Variants in CTNNA3 observed in about 807,000 individuals in gnomAD.
CTNNA3 encodes catenin alpha-3.
In CTNNA3, 76 loss-of-function variants were observed where a neutral mutation model predicts 95.7. The observed-to-expected ratio is 0.79, with a 90% CI of 0.66 to 0.96. CTNNA3 has a LOEUF of 0.96. Ranked by LOEUF, CTNNA3 falls within the 40% of genes least tolerant of loss-of-function variation. The pLI is 0.00. For missense variants in CTNNA3, 1,191 were observed against 1,089.8 expected, an observed-to-expected ratio of 1.09 and a Z score of -1.31; for synonymous variants, 431 against 374.4, an observed-to-expected ratio of 1.15 and a Z score of -1.74.
intron 17 of CTNNA3, among the ~76,000 whole-genome samples, chr10:65,932,742 T>C (rs556998812): frequency 6.6e-6 from 1 of 152,300 alleles, no homozygotes; most frequent in East Asian, 1.9e-4. Flanking sequence ...TACCTCTGAA[T>C]ACTTTGTACT....
intron 5 of CTNNA3, among the ~76,000 whole-genome samples, chr10:67,481,088 T>C (rs931809998): frequency 2.6e-5 from 4 of 152,180 alleles, no homozygotes; most frequent in African/African-American, 7.2e-5. Flanking sequence ...TTTTATGTGG[T>C]GAATCACATT....
chr10:67,124,895 C>T (rs1376208934), intron 7 of CTNNA3, among the ~76,000 whole-genome samples: 1 of 152,164 alleles, frequency 6.6e-6, no homozygotes, highest in Non-Finnish European at 1.5e-5. Flanking sequence ...ATAATGTTGG[C>T]ATTCATGGCT....
chr10:66,346,211 GTATATATATATATATATATATATA>G (rs368554085), intron 12 of CTNNA3, among the ~76,000 whole-genome samples: 1 of 105,506 alleles, frequency 9.5e-6, no homozygotes, highest in African/African-American at 3.6e-5. Context: ...ATGTGTGTGT[GTATATATATATATATATATATATA>G]TATATATATA....
intron 9 of CTNNA3, among the ~76,000 whole-genome samples, chr10:66,754,178 T>C (rs1186766425): frequency 6.6e-6 from 1 of 152,194 alleles, no homozygotes; most frequent in Non-Finnish European, 1.5e-5. Flanking sequence ...GGCATAAAGG[T>C]TGACATATAG....
chr10:67,726,434 T>TATATAATATTATATATTAG (rs1564841148), intron 1 of CTNNA3, among the ~76,000 whole-genome samples: 1 of 67,988 alleles, frequency 1.5e-5, no homozygotes, highest in African/African-American at 6.3e-5. Context: ...TATTATATCA[T>TATATAATATTATATATTAG]ATATAATATA....
chr10:66,059,168 G>A (rs1391013032), intron 15 of CTNNA3, among the ~76,000 whole-genome samples: 1 of 152,032 alleles, frequency 6.6e-6, no homozygotes, highest in Non-Finnish European at 1.5e-5. Flanking sequence ...GGGAGTATCA[G>A]GAAGGAATTA....
At chr10:65,960,261 G>A (rs2077815640) in intron 17 of CTNNA3, among the ~76,000 whole-genome samples, 1 of 151,544 alleles carries the variant, frequency 6.6e-6, no homozygotes, top group Middle Eastern at 3.5e-3. Context: ...GTACGGCTGG[G>A]TGCAGCGGCT....
chr10:66,811,146 C>T (rs976869140), intron 7 of CTNNA3, among the ~76,000 whole-genome samples: 5 of 152,144 alleles, frequency 3.3e-5, no homozygotes, highest in Non-Finnish European at 5.9e-5. Flanking sequence ...TATACTTGCA[C>T]TAAAATCAGG....
chr10:66,563,299 C>T (rs1004785288), intron 10 of CTNNA3, among the ~76,000 whole-genome samples: 1 of 151,996 alleles, frequency 6.6e-6, no homozygotes. Flanking sequence ...AATGAAATAG[C>T]CATTTCTCCT....
intron 11 of CTNNA3, among the ~76,000 whole-genome samples, chr10:66,447,363 C>T (rs562388387): frequency 7.0e-6 from 1 of 142,988 alleles, no homozygotes; most frequent in Non-Finnish European, 1.5e-5. Context: ...GCCCGCATCG[C>T]CAAGTCAATC....
intron 3 of CTNNA3, among the ~76,000 whole-genome samples, chr10:67,549,327 G>A (rs1042464263): frequency 6.6e-6 from 1 of 152,128 alleles, no homozygotes; most frequent in Non-Finnish European, 1.5e-5. Context: ...TTAAAAGGGT[G>A]GGGGTAGAGG....
At chr10:67,725,041 C>A (rs192782781) in intron 1 of CTNNA3, among the ~76,000 whole-genome samples, 28 of 152,010 alleles carry the variant, frequency 1.8e-4, no homozygotes, top group African/African-American at 6.5e-4. Context: ...TCTATTTATT[C>A]TCCCACTATA....
chr10:66,720,399 A>C (rs1848589505), intron 9 of CTNNA3, among the ~76,000 whole-genome samples: 1 of 152,184 alleles, frequency 6.6e-6, no homozygotes, highest in Non-Finnish European at 1.5e-5. Flanking sequence ...TCATCCTTTC[A>C]TTTGCAACAA....
intron 13 of CTNNA3, among the ~76,000 whole-genome samples, chr10:66,264,012 T>G (rs1210094616): frequency 6.6e-6 from 1 of 151,960 alleles, no homozygotes. Flanking sequence ...TCTAAATGTG[T>G]TTGCTTCTAT....
intron 5 of CTNNA3, among the ~76,000 whole-genome samples, chr10:67,521,631 T>A (rs1254480708): frequency 6.6e-6 from 1 of 152,130 alleles, no homozygotes; most frequent in Non-Finnish European, 1.5e-5. Context: ...AGGACACATG[T>A]GGAAACCCCT....
intron 9 of CTNNA3, among the ~76,000 whole-genome samples, chr10:66,664,970 C>T (rs1846396628): frequency 6.7e-6 from 1 of 150,366 alleles, no homozygotes; most frequent in African/African-American, 2.4e-5. Context: ...TTTGTAAAGA[C>T]TCTCCCAGTG....
At chr10:66,461,001 T>C (rs775045244) in intron 11 of CTNNA3, among the ~76,000 whole-genome samples, 2 of 152,130 alleles carry the variant, frequency 1.3e-5, no homozygotes, top group African/African-American at 2.4e-5. Context: ...CACAAAAATG[T>C]GTTCAATGTT....
chr10:67,346,997 A>T (rs1842445284), intron 5 of CTNNA3, among the ~76,000 whole-genome samples: 1 of 151,818 alleles, frequency 6.6e-6, no homozygotes, highest in Non-Finnish European at 1.5e-5. Flanking sequence ...AATTATGAGA[A>T]TTTTTTTATT....
chr10:67,652,580 C>T (rs1238910082), intron 1 of CTNNA3, among the ~76,000 whole-genome samples: 1 of 152,172 alleles, frequency 6.6e-6, no homozygotes, highest in African/African-American at 2.4e-5. Context: ...TCTCTCATCC[C>T]TGTCTTCCTA....
Sources: allele counts gnomAD v4.1 joint callset (sites outside exome capture counted in the v4.1 genomes callset), GRCh38; gene constraint gnomAD v4.1.1; transcripts MANE v1.5; gene names NCBI Gene and HGNC (gene_info 2026-07-23, HGNC 2026-07-21).